The following SLC22A5 variants were observed in gnomAD, a reference collection of about 807,000 sequenced individuals.
SLC22A5 encodes the protein solute carrier family 22 member 5.
SLC22A5 carries 44 observed loss-of-function variants against 56.7 expected under a neutral mutation model. The ratio of observed to expected loss-of-function variants is 0.78; its 90% CI spans 0.61 to 1.00. The LOEUF is 1.00. Among genes scored for constraint, SLC22A5 ranks in the 50% least tolerant of loss-of-function variants. The pLI is 0.00. For synonymous variants in SLC22A5, 278 were observed against 292.1 expected, an observed-to-expected ratio of 0.95 and a Z score of 0.49; for missense variants, 675 against 723.0, an observed-to-expected ratio of 0.93 and a Z score of 0.76.
At chr5:132,370,473 C>A in intron 1 of SLC22A5, 108 bp downstream of exon 1, 2 of 1,266,512 alleles carry the variant, frequency 1.6e-6, no homozygotes, top group Non-Finnish European at 2.2e-6. Flanking sequence ...TGTCACTCCC[C>A]CTCCCCCAAC....
chr5:132,387,125 C>T lies in SLC22A5; in HGVS notation c.925C>T (p.Pro309Ser), dbSNP rs1206861801. Residue 309 changes from proline to serine, a missense_variant, in exon 5 of 10, where the codon CCT becomes TCT. Coordinates refer to ENST00000245407, the MANE Select transcript of SLC22A5 (RefSeq NM_003060.4). ...KAAKANGIVVPSTIFDPSELQ... is the reference protein window; with the variant it reads ...KAAKANGIVVSSTIFDPSELQ... Reference sequence around the variant, plus strand: ...TGCCAAAGCCAATGGGATTGTTGTGCCTTCCACTATCTTTGACCCGAGTGA... The same window carrying T: ...TGCCAAAGCCAATGGGATTGTTGTGTCTTCCACTATCTTTGACCCGAGTGA... 1.2e-6 allele frequency: 2 copies of T among 1,614,140 alleles called. No individual in the cohort carries two copies. The highest frequency in any genetic ancestry group is 1.7e-6 in the Non-Finnish European group (2 of 1,180,016).
intron 1 of SLC22A5, chr5:132,378,060 C>T (rs1015274569): frequency 8.6e-6 from 13 of 1,516,956 alleles, no homozygotes; most frequent in Admixed American, 2.1e-5. Context: ...CCCTGGGCTC[C>T]GCTCAGATTT....
At chr5:132,387,252 C>T (rs1034489873) in intron 5 of SLC22A5, 101 bp downstream of exon 5, 1 of 1,441,198 alleles carries the variant, frequency 6.9e-7, no homozygotes, top group Non-Finnish European at 9.7e-7. Flanking sequence ...CAGCCCAGCC[C>T]TCTCTCCGCC....
intron 8 of SLC22A5, 63 bp downstream of exon 8, chr5:132,392,678 G>A (rs1752747410): frequency 2.1e-6 from 3 of 1,421,694 alleles, no homozygotes; most frequent in South Asian, 1.1e-5. Flanking sequence ...TGGCTTGAAT[G>A]TGAGCTGGAG....
At chr5:132,378,267 C>A (rs765378077) in intron 1 of SLC22A5, 111 bp from the exon 2 acceptor site, 47 of 1,613,874 alleles carry the variant, frequency 2.9e-5, no homozygotes, top group Admixed American at 1.0e-4. Context: ...TGAGTTCACA[C>A]TCAGAGCGTG....
At position 132,377,994 on chromosome 5, in the gene SLC22A5, C is replaced by T. The variant is rs372852049; in HGVS notation, c.394-384C>T. 218 of 1,043,744 alleles carry T rather than the reference C, an allele frequency of 2.1e-4. 2 individuals carry two copies. The highest frequency in any genetic ancestry group is 1.6e-4 in the Non-Finnish European group (115 of 730,884). 64.7% of individuals were successfully genotyped at this position (1,043,744 alleles called of 1,614,324 possible). A position where few individuals can be genotyped will look rare whatever the true frequency, so the allele number is the denominator to read the frequency against. On this transcript the variant is annotated intron_variant, in intron 1 of 9. Transcript: ENST00000245407. ...CCTGCTTCCAGAACCACTCCAGTGA[C>T]GTTCATGCCAATGGCCTGAACCCCA...
chr5:132,378,361 C>T lies in SLC22A5; in HGVS notation c.394-17C>T, dbSNP rs1319172666. On this transcript the variant is annotated splice_polypyrimidine_tract_variant and intron_variant, in intron 1 of 9. Transcript: ENST00000245407. The stretch of plus-strand genomic sequence containing the variant: ...TAAAAAGAAGTGAATGATACACCCC[C>T]TTTGCTCATCTTGCAGTGGAACCTG... The T allele has an allele frequency of 6.2e-7, 1 of 1,613,208 alleles. No homozygotes were observed. Among genetic ancestry groups the T allele is most frequent in the Admixed American group, 1.7e-5 (1 of 60,034 alleles).
At chr5:132,388,571 C>G (rs1021403418) in intron 5 of SLC22A5, among the ~76,000 whole-genome samples, 3 of 152,126 alleles carry the variant, frequency 2.0e-5, no homozygotes, top group Admixed American at 6.5e-5. Context: ...GGGCAGGGAG[C>G]CAGGCTTCGG....
intron 8 of SLC22A5, among the ~76,000 whole-genome samples, chr5:132,393,288 G>A (rs1461551992): frequency 6.6e-6 from 1 of 152,160 alleles, no homozygotes; most frequent in Non-Finnish European, 1.5e-5. Flanking sequence ...CACATGGGCT[G>A]GGACACATCT....
At chr5:132,373,816 C>T (rs540983438) in intron 1 of SLC22A5, among the ~76,000 whole-genome samples, 15 of 152,126 alleles carry the variant, frequency 9.9e-5, no homozygotes, top group Non-Finnish European at 1.9e-4. Context: ...GCTTCTTGGC[C>T]ATGGACTGCC....
chr5:132,376,893 T>TA (rs1752158948), intron 1 of SLC22A5: 1 of 152,302 alleles, frequency 6.6e-6, no homozygotes, highest in Admixed American at 6.5e-5. Flanking sequence ...CAGGGATACT[T>TA]ACCCACCTAC....
rs745880810 is a variant in SLC22A5 at position 132,378,801 on chromosome 5, C to G, written c.497+320C>G. 7.6e-6 allele frequency: 3 copies of G among 393,182 alleles called. No homozygotes were observed. In the East Asian group the frequency reaches 1.8e-4, roughly 24 times the overall value. 24.4% of individuals were successfully genotyped at this position (393,182 alleles called of 1,614,324 possible). ...TGGGTCACTGTGACTCTGTCATGCCCCTGAGCATGGGAGAGGTTGACATCA... is the reference window on the plus strand; with the variant it reads ...TGGGTCACTGTGACTCTGTCATGCCGCTGAGCATGGGAGAGGTTGACATCA... On this transcript the variant is annotated intron_variant, in intron 2 of 9. Transcript: ENST00000245407.
intron 1 of SLC22A5, among the ~76,000 whole-genome samples, chr5:132,375,828 A>G (rs561237162): frequency 3.3e-4 from 51 of 152,324 alleles, no homozygotes; most frequent in African/African-American, 1.1e-3. Context: ...CAGCTCAGCC[A>G]GCTGAAGGGT....
Position 132,390,894 on chromosome 5 carries a change from G to T in SLC22A5, c.1257G>T (p.Leu419=). The T allele has an allele frequency of 1.9e-6, 3 of 1,613,814 alleles. No individual in the cohort carries two copies. Among genetic ancestry groups the T allele is most frequent in the Non-Finnish European group, 2.5e-6 (3 of 1,179,856 alleles). The change falls in exon 7 of 10, where the codon CTG becomes CTT. Residue 419 remains leucine (L), a synonymous_variant. Coordinates refer to ENST00000245407, the MANE Select transcript of SLC22A5 (RefSeq NM_003060.4). Reference sequence around the variant, plus strand: ...GCAGTGTCCTTCTCTTCATGCAGCTGGTACCCCCAGGTAGGGACCATGTGC... The same window carrying T: ...GCAGTGTCCTTCTCTTCATGCAGCTTGTACCCCCAGGTAGGGACCATGTGC... The part of the protein sequence containing the change: ...LGGSVLLFMQ[L]VPPDLYYLAT...
rs530081491 is a variant in SLC22A5 at position 132,377,878 on chromosome 5, T to G, written c.394-500T>G. The G allele has an allele frequency of 9.2e-4, 398 of 431,138 alleles. 3 individuals carry two copies. The South Asian group carries it at 0.012, about 14-fold the overall frequency. 26.7% of individuals were successfully genotyped at this position (431,138 alleles called of 1,614,324 possible). ...GGACCCGGGGGTCATTGGCCCAGGG[T>G]GGGAACCCGAGCAGAGCAGGTCCAG... On this transcript the variant is annotated intron_variant, in intron 1 of 9. Transcript: ENST00000245407.
At chr5:132,370,580 GGTCA>G (rs1264150292) in intron 1 of SLC22A5, among the ~76,000 whole-genome samples, 1 of 152,198 alleles carries the variant, frequency 6.6e-6, no homozygotes, top group Non-Finnish European at 1.5e-5. Flanking sequence ...CTGCACAGGT[GGTCA>G]GTCTGGCCTC....
intron 3 of SLC22A5, 36 bp downstream of exon 3, chr5:132,384,337 T>TGTATTTCACCATCATCCC (rs770497071): frequency 1.3e-6 from 2 of 1,596,704 alleles, no homozygotes; most frequent in Non-Finnish European, 1.7e-6. Flanking sequence ...TACTTGATCC[T>TGTATTTCACCATCATCCC]GTATTTCACC....
rs1751803923 is a variant in SLC22A5, at chr5:132,369,744, C to G, written c.-229C>G. On this transcript the variant is annotated 5_prime_UTR_variant, in exon 1 of 10. Transcript: ENST00000245407. ...GGCGCCGCTCTGCCTGCCAGCGGGG[C>G]GCGCCTTGCGGCCCAGGCCCGCAAC... The G allele has an allele frequency of 4.1e-6, 2 of 485,682 alleles. No individual in the cohort carries two copies. The highest frequency in any genetic ancestry group is 4.4e-5 in the Admixed American group (1 of 22,718). The allele number at this position is 485,682 out of a possible 1,614,324, so 30.1% of individuals were successfully genotyped here.
rs1462008023 is a variant in SLC22A5, at chr5:132,393,794, G to A, written c.1569G>A (p.Gln523=). Residue 523 remains glutamine, a synonymous_variant, in exon 9 of 10, where the codon CAG becomes CAA. Transcript: ENST00000245407. ...CCCCACTCCCAGACACCATTGACCAGATGCTAAGAGTCAAAGGGTAAGAAG... is the reference window on the plus strand; with the variant it reads ...CCCCACTCCCAGACACCATTGACCAAATGCTAAGAGTCAAAGGGTAAGAAG... ...FGTPLPDTID[Q]MLRVKGMKHR... 4 of 1,614,040 alleles carry A rather than the reference G, an allele frequency of 2.5e-6. No homozygotes were observed. The highest frequency in any genetic ancestry group is 3.3e-5 in the Admixed American group (2 of 60,004).
Sources: gnomAD v4.1 joint callset for allele counts (sites outside exome capture counted in the v4.1 genomes callset) on GRCh38, gnomAD v4.1.1 for gene constraint, MANE v1.5 for transcripts, NCBI Gene and HGNC (gene_info 2026-07-23, HGNC 2026-07-21) for gene names.